BTBD2: variants seen among roughly 807,000 people sequenced by gnomAD.
The protein encoded by BTBD2 is BTB/POZ domain-containing protein 2.
Under a neutral mutation model 44.0 loss-of-function variants are expected in BTBD2, and 15 were observed. That is an observed-to-expected ratio of 0.34 (90% CI 0.23 to 0.53). BTBD2 has a LOEUF of 0.53. Among genes scored for constraint, BTBD2 ranks in the 20% least tolerant of loss-of-function variants. BTBD2 has a pLI of 0.95. For synonymous variants in BTBD2, 443 were observed against 335.9 expected (o/e 1.32, Z -3.49); for missense variants, 657 against 746.4 (o/e 0.88, Z 1.39).
At chr19:1,994,588 G>A (rs953983167) in intron 2 of BTBD2, among the ~76,000 whole-genome samples, 5 of 151,458 alleles carry the variant, frequency 3.3e-5, no homozygotes, top group African/African-American at 1.2e-4. Context: ...ATGAAACCGG[G>A]TCTCTACTAA....
At chr19:1,996,910 C>T (rs1000654965) in intron 2 of BTBD2, among the ~76,000 whole-genome samples, 6 of 151,676 alleles carry the variant, frequency 4.0e-5, no homozygotes, top group Non-Finnish European at 8.8e-5. Context: ...GGGCTGGGCG[C>T]GGTGGCTCAG....
chr19:1,989,766 AG>A, intron 5 of BTBD2: 2 of 568,038 alleles, frequency 3.5e-6, no homozygotes, highest in Admixed American at 6.1e-5. Flanking sequence ...CCACCAAAAC[AG>A]CTGGACAGAC....
chr19:2,013,812 A>C, intron 1 of BTBD2: 1 of 349,002 alleles, frequency 2.9e-6, no homozygotes, highest in Non-Finnish European at 3.9e-6. Context: ...TGGAGGCAGC[A>C]GGGAGGACGC....
chr19:1,997,290 G>A, intron 2 of BTBD2, 54 bp downstream of exon 2: 2 of 1,610,878 alleles, frequency 1.2e-6, no homozygotes, highest in Non-Finnish European at 1.7e-6. Flanking sequence ...TACGTTCTCT[G>A]AGGTCCCCCT....
intron 6 of BTBD2, 38 bp downstream of exon 6, chr19:1,987,462 C>G (rs2016106087): frequency 6.6e-7 from 1 of 1,516,882 alleles, no homozygotes; most frequent in African/African-American, 1.4e-5. Flanking sequence ...TCCTCCACCC[C>G]CATGTCCGGA....
intron 1 of BTBD2, among the ~76,000 whole-genome samples, chr19:2,006,691 G>T (rs1411236966): frequency 2.7e-5 from 4 of 145,932 alleles, no homozygotes; most frequent in Non-Finnish European, 4.5e-5. Flanking sequence ...TGTAAATTAA[G>T]TTTTTTTTTT....
chr19:2,010,704 A>G (rs2016453753), intron 1 of BTBD2, among the ~76,000 whole-genome samples: 2 of 150,990 alleles, frequency 1.3e-5, no homozygotes, highest in Non-Finnish European at 2.9e-5. Context: ...CAGTGGCGCA[A>G]TCTTGGCTCA....
rs536530855 is a variant in BTBD2 at position 2,010,010 on chromosome 19, A to G, written c.407+5287T>C. ...CTCTACTAAAAAATACAATTAGCCA[A>G]GTGTGGTGGCGGGTGCCTGTAGTCC... On this transcript the variant is annotated intron_variant, in intron 1 of 8. Transcript: ENST00000255608. Among the ~76,000 whole-genome samples the G allele has an allele frequency of 4.4e-3, 636 of 145,236 alleles. 4 individuals carry two copies. The highest frequency in any genetic ancestry group is 0.016 in the African/African-American group (599 of 38,492).
At chr19:1,990,610 A>T in intron 4 of BTBD2, 107 bp downstream of exon 4, 1 of 1,049,898 alleles carries the variant, frequency 9.5e-7, no homozygotes, top group Non-Finnish European at 1.4e-6. Flanking sequence ...GTGAGGCCCC[A>T]GCTCACCTGT....
intron 6 of BTBD2, 89 bp downstream of exon 6, chr19:1,987,411 T>C (rs1339016797): frequency 4.2e-6 from 5 of 1,187,044 alleles, no homozygotes; most frequent in Non-Finnish European, 5.6e-6. Context: ...CCCTGAGTTC[T>C]CCACCCCCAT....
rs769945905 is a variant in BTBD2, at chr19:1,993,143, C to T, written c.561G>A (p.Pro187=). The T allele has an allele frequency of 3.7e-6, 6 of 1,605,864 alleles. No homozygotes were observed. The highest frequency in any genetic ancestry group is 3.3e-5 in the South Asian group (3 of 90,896). Residue 187 remains proline (P), a synonymous_variant, in exon 3 of 9, where the codon CCG becomes CCA. Transcript: ENST00000255608. ...FLYSDEVQIG[P]ETVMTTLYTA... The stretch of plus-strand genomic sequence containing the variant: ...TGTATAGCGTGGTCATCACCGTCTC[C>T]GGGCCAATCTGCACCTCGTCCGAGT...
At chr19:2,014,995 T>C (rs1488798527) in intron 1 of BTBD2, among the ~76,000 whole-genome samples, 2 of 133,392 alleles carry the variant, frequency 1.5e-5, no homozygotes, top group East Asian at 2.4e-4. Context: ...GGGTGGAGTC[T>C]AGGGATGGAA....
intron 1 of BTBD2, among the ~76,000 whole-genome samples, chr19:2,007,653 AC>A (rs1199212130): frequency 6.6e-6 from 1 of 151,936 alleles, no homozygotes; most frequent in Admixed American, 6.6e-5. Flanking sequence ...AAATGGCGAA[AC>A]CCCGTCTCTA....
chr19:2,011,386 T>A (rs2016462849), intron 1 of BTBD2, among the ~76,000 whole-genome samples: 1 of 151,996 alleles, frequency 6.6e-6, no homozygotes. Context: ...CCACGGCGCG[T>A]TCCACCCTCA....
At chr19:2,001,799 G>A (rs553653233) in intron 1 of BTBD2, among the ~76,000 whole-genome samples, 85 of 152,002 alleles carry the variant, frequency 5.6e-4, no homozygotes, top group Admixed American at 1.4e-3. Flanking sequence ...GTGCAGTGGC[G>A]CAATCTTGGC....
At chr19:2,013,012 G>C (rs1286235124) in intron 1 of BTBD2, among the ~76,000 whole-genome samples, 2 of 152,170 alleles carry the variant, frequency 1.3e-5, no homozygotes, top group Non-Finnish European at 1.5e-5. Context: ...CAAGCTAGGA[G>C]AGGCCCAGCA....
intron 1 of BTBD2, among the ~76,000 whole-genome samples, chr19:2,004,788 C>T (rs1479831543): frequency 3.3e-5 from 5 of 150,848 alleles, no homozygotes. Context: ...AGACCAGCCT[C>T]GGCAACATAG....
intron 1 of BTBD2, among the ~76,000 whole-genome samples, chr19:2,008,280 AGG>A (rs1390551345): frequency 2.7e-5 from 4 of 149,386 alleles, no homozygotes; most frequent in Non-Finnish European, 4.4e-5. Context: ...CTGGGATTAC[AGG>A]GGTGAGCCAC....
chr19:2,011,709 C>T (rs2016466929), intron 1 of BTBD2, among the ~76,000 whole-genome samples: 1 of 152,128 alleles, frequency 6.6e-6, no homozygotes, highest in Admixed American at 6.6e-5. Context: ...CCGGCCTCTC[C>T]TGCCTCCCCT....
Sources: allele counts gnomAD v4.1 joint callset (sites outside exome capture counted in the v4.1 genomes callset), GRCh38; gene constraint gnomAD v4.1.1; transcripts MANE v1.5; gene names NCBI Gene and HGNC (gene_info 2026-07-23, HGNC 2026-07-21).